Variants in PGCKA1 observed in about 807,000 individuals in gnomAD.
PGCKA1 encodes PDCD10 and GCKIII kinases-associated protein 1.
chr4:37,564,287 A>G, the PGCKA1 span, among the ~76,000 whole-genome samples: 6 of 133,102 alleles, frequency 4.5e-5, no homozygotes, highest in South Asian at 2.8e-4. Flanking sequence ...AAAAAAAAAA[A>G]AAAGAAAGAA....
chr4:37,454,739 C>T, the PGCKA1 span, among the ~76,000 whole-genome samples: 1 of 152,146 alleles, frequency 6.6e-6, no homozygotes, highest in Non-Finnish European at 1.5e-5. Flanking sequence ...CCTGATGAGG[C>T]GAGATTTTCA....
the PGCKA1 span, among the ~76,000 whole-genome samples, chr4:37,577,838 C>T: frequency 6.6e-6 from 1 of 152,028 alleles, no homozygotes; most frequent in African/African-American, 2.4e-5. Flanking sequence ...GTTGAATTTC[C>T]ATATGTTCAT....
At chr4:37,509,160 G>A in the PGCKA1 span, among the ~76,000 whole-genome samples, 1 of 150,086 alleles carries the variant, frequency 6.7e-6, no homozygotes, top group Non-Finnish European at 1.5e-5. Flanking sequence ...AACTGCCATC[G>A]TCATCATGGC....
the PGCKA1 span, among the ~76,000 whole-genome samples, chr4:37,539,252 G>C: frequency 6.6e-6 from 1 of 152,188 alleles, no homozygotes; most frequent in South Asian, 2.1e-4. Context: ...TTATATAAAC[G>C]ACATGCTTCT....
chr4:37,547,665 C>T, the PGCKA1 span, among the ~76,000 whole-genome samples: 46,439 of 151,862 alleles, frequency 0.31, 7,453 homozygotes, highest in East Asian at 0.47. Context: ...CCAGTTTCCA[C>T]ACATAGACAA....
At chr4:37,580,101 A>T in the PGCKA1 span, among the ~76,000 whole-genome samples, 2 of 148,312 alleles carry the variant, frequency 1.3e-5, no homozygotes, top group Admixed American at 6.7e-5. Context: ...GTATTTTTCA[A>T]CTCCAGAATT....
At chr4:37,470,738 A>G in the PGCKA1 span, among the ~76,000 whole-genome samples, 1 of 152,146 alleles carries the variant, frequency 6.6e-6, no homozygotes, top group African/African-American at 2.4e-5. Context: ...TTTTCATTGT[A>G]AGCCAGTTAT....
chr4:37,583,850 G>A, the PGCKA1 span, among the ~76,000 whole-genome samples: 1 of 152,140 alleles, frequency 6.6e-6, no homozygotes, highest in Non-Finnish European at 1.5e-5. Context: ...GCTTTTTTAT[G>A]CTCCAAAGAG....
the PGCKA1 span, among the ~76,000 whole-genome samples, chr4:37,510,505 T>C: frequency 6.6e-6 from 1 of 152,090 alleles, no homozygotes; most frequent in Admixed American, 6.5e-5. Flanking sequence ...AGAAGAATTC[T>C]CCACATTTCC....
chr4:37,518,802 T>G, the PGCKA1 span, among the ~76,000 whole-genome samples: 1 of 152,228 alleles, frequency 6.6e-6, no homozygotes, highest in East Asian at 1.9e-4. Context: ...ATTTTTGTGT[T>G]GGTTGCCTGT....
At chr4:37,523,728 A>C in the PGCKA1 span, among the ~76,000 whole-genome samples, 2 of 152,212 alleles carry the variant, frequency 1.3e-5, no homozygotes, top group Non-Finnish European at 2.9e-5. Flanking sequence ...GCAAGTTACC[A>C]TAGACTAGGT....
chr4:37,572,880 T>C, the PGCKA1 span, among the ~76,000 whole-genome samples: 2 of 152,066 alleles, frequency 1.3e-5, no homozygotes, highest in African/African-American at 4.8e-5. Flanking sequence ...AATGGGAGCA[T>C]TTTGGATTTT....
chr4:37,511,851 T>C, the PGCKA1 span, among the ~76,000 whole-genome samples: 2 of 152,160 alleles, frequency 1.3e-5, no homozygotes, highest in South Asian at 2.1e-4. Flanking sequence ...AGAGAAGCAG[T>C]CTAGCGCCCA....
chr4:37,562,653 C>T, the PGCKA1 span, among the ~76,000 whole-genome samples: 5 of 152,310 alleles, frequency 3.3e-5, no homozygotes, highest in South Asian at 1.0e-3. Context: ...GCCCACAAGC[C>T]TTTTCTAATC....
the PGCKA1 span, chr4:37,584,255 C>T: frequency 6.6e-6 from 1 of 152,276 alleles, no homozygotes; most frequent in East Asian, 1.9e-4. Context: ...ACATTAGAGC[C>T]TGTCCGTCTG....
At chr4:37,521,620 A>G in the PGCKA1 span, among the ~76,000 whole-genome samples, 12 of 152,312 alleles carry the variant, frequency 7.9e-5, no homozygotes, top group Non-Finnish European at 1.8e-4. Flanking sequence ...GTCTATCCTT[A>G]AGAATGATCC....
the PGCKA1 span, among the ~76,000 whole-genome samples, chr4:37,488,911 A>G: frequency 1.3e-5 from 2 of 152,124 alleles, no homozygotes; most frequent in Non-Finnish European, 2.9e-5. Flanking sequence ...TCCACTTATA[A>G]GTGGGTTTTT....
chr4:37,591,016 C>T, the PGCKA1 span: 4,746 of 1,585,268 alleles, frequency 3.0e-3, 7 homozygotes, highest in Non-Finnish European at 3.7e-3. Flanking sequence ...GGGATTTGCA[C>T]AGGGAGGTAA....
chr4:37,522,247 C>T, the PGCKA1 span, among the ~76,000 whole-genome samples: 1 of 152,150 alleles, frequency 6.6e-6, no homozygotes, highest in East Asian at 1.9e-4. Flanking sequence ...TAGATATCTA[C>T]CTGGTGTTCT....
Sources: allele counts gnomAD v4.1 joint callset (sites outside exome capture counted in the v4.1 genomes callset), GRCh38; gene constraint gnomAD v4.1.1; transcripts MANE v1.5; gene names NCBI Gene and HGNC (gene_info 2026-07-23, HGNC 2026-07-21).